Variants in ZNG1B observed in about 807,000 individuals in gnomAD.
ZNG1B encodes zinc-regulated GTPase metalloprotein activator 1B.
At chr2:113,437,805 C>T in the ZNG1B span, 10 of 1,602,154 alleles carry the variant, frequency 6.2e-6, no homozygotes, top group South Asian at 7.7e-5. Flanking sequence ...TGGGCGTGCG[C>T]GGCTGCGGTA....
chr2:113,470,545 A>G, the ZNG1B span: 1 of 173,258 alleles, frequency 5.8e-6, no homozygotes, highest in East Asian at 1.8e-4. Context: ...ATGAAATCAA[A>G]TCACGTGAAG....
the ZNG1B span, among the ~76,000 whole-genome samples, chr2:113,446,016 G>C: frequency 1.3e-5 from 2 of 151,584 alleles, no homozygotes; most frequent in Admixed American, 6.6e-5. Context: ...AGGCTATTTT[G>C]GTCCTTATAG....
chr2:113,445,996 G>A, the ZNG1B span, among the ~76,000 whole-genome samples: 5 of 151,856 alleles, frequency 3.3e-5, no homozygotes, highest in Non-Finnish European at 7.4e-5. Context: ...TTTCAAAGTA[G>A]TATTGAATTA....
the ZNG1B span, chr2:113,482,169 G>GT: frequency 2.0e-3 from 2,118 of 1,064,162 alleles, 27 homozygotes; most frequent in African/African-American, 0.031. Context: ...CTAATCAGTT[G>GT]TTTTTAGTTT....
chr2:113,478,349 T>C, the ZNG1B span, among the ~76,000 whole-genome samples: 2 of 152,138 alleles, frequency 1.3e-5, no homozygotes, highest in Non-Finnish European at 2.9e-5. Flanking sequence ...AAACATGGCT[T>C]ACTGCAGCCT....
the ZNG1B span, among the ~76,000 whole-genome samples, chr2:113,442,658 A>T: frequency 6.6e-6 from 1 of 152,056 alleles, no homozygotes; most frequent in South Asian, 2.1e-4. Context: ...TATTTTTCAC[A>T]GCATTCTCAA....
At chr2:113,473,881 C>T in the ZNG1B span, among the ~76,000 whole-genome samples, 9,070 of 112,472 alleles carry the variant, frequency 0.081, 488 homozygotes, top group East Asian at 0.25. Flanking sequence ...CTGCTGGATT[C>T]GGTTTGCCAG....
At chr2:113,456,116 C>T in the ZNG1B span, among the ~76,000 whole-genome samples, 1 of 151,610 alleles carries the variant, frequency 6.6e-6, no homozygotes, top group Non-Finnish European at 1.5e-5. Flanking sequence ...CTACCAATAC[C>T]TCTTCACTGG....
the ZNG1B span, among the ~76,000 whole-genome samples, chr2:113,485,748 G>T: frequency 6.6e-6 from 1 of 151,474 alleles, no homozygotes; most frequent in South Asian, 2.1e-4. Context: ...CACATTAGGG[G>T]GCTTAGTGTT....
chr2:113,448,351 G>A, the ZNG1B span, among the ~76,000 whole-genome samples: 1 of 151,910 alleles, frequency 6.6e-6, no homozygotes, highest in Admixed American at 6.6e-5. Flanking sequence ...AAACCATGCT[G>A]TAAACAGATG....
the ZNG1B span, among the ~76,000 whole-genome samples, chr2:113,456,140 C>T: frequency 1.4e-4 from 21 of 151,606 alleles, no homozygotes; most frequent in East Asian, 7.9e-4. Flanking sequence ...TTCTCTCCCT[C>T]GTTGATAGAG....
At chr2:113,470,878 A>G in the ZNG1B span, 5 of 668,754 alleles carry the variant, frequency 7.5e-6, no homozygotes, top group Non-Finnish European at 1.2e-5. Flanking sequence ...AATAATTTTC[A>G]ATCTTGATTC....
chr2:113,448,186 A>G, the ZNG1B span, among the ~76,000 whole-genome samples: 5 of 151,944 alleles, frequency 3.3e-5, no homozygotes, highest in Non-Finnish European at 7.4e-5. Context: ...GGGCTGCAGA[A>G]TGGATGTTGT....
At chr2:113,490,164 C>T in the ZNG1B span, among the ~76,000 whole-genome samples, 1 of 152,094 alleles carries the variant, frequency 6.6e-6, no homozygotes, top group South Asian at 2.1e-4. Context: ...ATCAAGCACT[C>T]TCTCAGACCA....
At chr2:113,444,275 C>T in the ZNG1B span, 1 of 285,126 alleles carries the variant, frequency 3.5e-6, no homozygotes, top group Non-Finnish European at 6.8e-6. Context: ...GGACAGTGTT[C>T]ACTAGTCTAC....
chr2:113,471,941 A>G, the ZNG1B span, among the ~76,000 whole-genome samples: 1 of 92,854 alleles, frequency 1.1e-5, no homozygotes, highest in Non-Finnish European at 2.3e-5. Context: ...CGCAATAAAC[A>G]TATGTGTGCA....
At chr2:113,470,955 G>A in the ZNG1B span, 1 of 1,581,108 alleles carries the variant, frequency 6.3e-7, no homozygotes, top group Non-Finnish European at 8.5e-7. Flanking sequence ...TTTTTTAAGA[G>A]TCAGAGTTTT....
At chr2:113,472,887 A>T in the ZNG1B span, among the ~76,000 whole-genome samples, 1 of 151,616 alleles carries the variant, frequency 6.6e-6, no homozygotes, top group South Asian at 2.1e-4. Context: ...TGGTTACTGT[A>T]GCCTTGTAGT....
the ZNG1B span, among the ~76,000 whole-genome samples, chr2:113,476,815 C>T: frequency 1.3e-5 from 2 of 152,176 alleles, no homozygotes. Flanking sequence ...GGAGTGCCTC[C>T]CAGTTAGGCT....
Sources: gnomAD v4.1 joint callset for allele counts (sites outside exome capture counted in the v4.1 genomes callset) on GRCh38, gnomAD v4.1.1 for gene constraint, MANE v1.5 for transcripts, NCBI Gene and HGNC (gene_info 2026-07-23, HGNC 2026-07-21) for gene names.